Variants in CCDC178 observed in about 807,000 individuals in gnomAD.
CCDC178 encodes the protein coiled-coil domain-containing protein 178.
A neutral mutation model predicts 117.4 loss-of-function variants in CCDC178; 126 were observed. That is an observed-to-expected ratio of 1.07 (90% CI 0.93 to 1.24). The LOEUF (loss-of-function observed/expected upper bound fraction) is 1.24. Ranked by LOEUF, CCDC178 falls within the 50% of genes most tolerant of loss-of-function variation. The pLI, the probability that CCDC178 is intolerant of heterozygous loss-of-function variation, is 0.00. For missense variants in CCDC178, 1,030 were observed against 986.9 expected (o/e 1.04, Z -0.59); for synonymous variants, 283 against 313.4 (o/e 0.90, Z 1.02).
chr18:33,301,694 T>C (rs1297279808), intron 11 of CCDC178, among the ~76,000 whole-genome samples: 1 of 152,254 alleles, frequency 6.6e-6, no homozygotes, highest in Non-Finnish European at 1.5e-5. Context: ...CAGACTTTTA[T>C]GAGGCCTGTT....
At chr18:33,218,961 TA>T (rs2059200140) in intron 18 of CCDC178, among the ~76,000 whole-genome samples, 1 of 152,186 alleles carries the variant, frequency 6.6e-6, no homozygotes, top group Admixed American at 6.5e-5. Context: ...ATATGAACTT[TA>T]AAGTAGTTTT....
chr18:33,144,016 C>A (rs2058241719), intron 20 of CCDC178, among the ~76,000 whole-genome samples: 1 of 152,020 alleles, frequency 6.6e-6, no homozygotes, highest in Non-Finnish European at 1.5e-5. Flanking sequence ...TACTGCACCA[C>A]CTTTGAGTTT....
At chr18:33,174,687 C>A (rs576463686) in intron 20 of CCDC178, among the ~76,000 whole-genome samples, 4 of 152,240 alleles carry the variant, frequency 2.6e-5, no homozygotes, top group African/African-American at 9.6e-5. Context: ...CATTTGGTTT[C>A]ATAGTCTTGA....
chr18:32,987,915 T>C (rs1230440955), intron 21 of CCDC178, among the ~76,000 whole-genome samples: 1 of 149,060 alleles, frequency 6.7e-6, no homozygotes, highest in African/African-American at 2.5e-5. Context: ...CTGGACAACA[T>C]AGTGAAACCC....
intron 20 of CCDC178, among the ~76,000 whole-genome samples, chr18:33,122,189 T>G: frequency 6.6e-6 from 1 of 152,146 alleles, no homozygotes; most frequent in African/African-American, 2.4e-5. Flanking sequence ...AAAGCTAAAT[T>G]TGCTAAATGG....
intron 14 of CCDC178, among the ~76,000 whole-genome samples, chr18:33,265,603 AT>A (rs571889904): frequency 1.6e-4 from 25 of 152,116 alleles, no homozygotes; most frequent in Non-Finnish European, 3.4e-4. Context: ...CTACTACTGT[AT>A]TTGAACCAAG....
At chr18:33,141,191 A>G (rs2058199616) in intron 20 of CCDC178, among the ~76,000 whole-genome samples, 1 of 152,192 alleles carries the variant, frequency 6.6e-6, no homozygotes, top group Non-Finnish European at 1.5e-5. Flanking sequence ...AGACTAATAC[A>G]TCCAGAAAGA....
intron 21 of CCDC178, among the ~76,000 whole-genome samples, chr18:33,004,338 C>T (rs1390612096): frequency 2.0e-5 from 3 of 152,068 alleles, no homozygotes; most frequent in African/African-American, 7.2e-5. Context: ...ATTCACACAC[C>T]TACAGTGAAA....
In CCDC178 at chr18:33,104,331, T is replaced by C. The variant is rs78667860; in HGVS notation, c.2239-11421A>G. ...GATTTCTTCTACCAACTAGCCTCAA[T>C]CAGAAAAATAAAGGCATAAAATCTG... On this transcript the variant is annotated intron_variant, in intron 20 of 22. Transcript: ENST00000383096. Among the ~76,000 whole-genome samples, 13 of 151,806 alleles carry C rather than the reference T, an allele frequency of 8.6e-5. 1 individual carries two copies. In the East Asian group the frequency reaches 2.3e-3, roughly 27 times the overall value.
intron 7 of CCDC178, among the ~76,000 whole-genome samples, chr18:33,350,674 T>C (rs745940439): frequency 1.3e-5 from 2 of 152,222 alleles, no homozygotes; most frequent in Non-Finnish European, 2.9e-5. Context: ...TATTAATCCA[T>C]TGATGGATTT....
chr18:33,180,082 A>C (rs533726821), intron 20 of CCDC178, among the ~76,000 whole-genome samples: 1 of 152,096 alleles, frequency 6.6e-6, no homozygotes, highest in East Asian at 1.9e-4. Context: ...ATAAACGTAC[A>C]TTAAATTTTT....
chr18:33,160,276 A>G (rs1033365518), intron 20 of CCDC178, among the ~76,000 whole-genome samples: 1 of 152,178 alleles, frequency 6.6e-6, no homozygotes, highest in Admixed American at 6.6e-5. Context: ...ATGGTATTGA[A>G]TTATATTTTC....
chr18:33,413,860 T>C (rs2063894244), intron 2 of CCDC178, among the ~76,000 whole-genome samples: 1 of 152,168 alleles, frequency 6.6e-6, no homozygotes. Context: ...AAAGTCTGTA[T>C]TTCAAGAAAC....
At position 33,370,006 on chromosome 18, in the gene CCDC178, G is replaced by A. The variant is rs199646799; in HGVS notation, c.348+44C>T. 8.3e-4 allele frequency: 1,234 copies of A among 1,493,444 alleles called. 4 individuals carry two copies. Among genetic ancestry groups the A allele is most frequent in the Non-Finnish European group, 6.8e-4 (764 of 1,116,630 alleles). 92.5% of individuals were successfully genotyped at this position (1,493,444 alleles called of 1,614,324 possible). A position where few individuals can be genotyped will look rare whatever the true frequency, so the allele number is the denominator to read the frequency against. On this transcript the variant is annotated intron_variant, in intron 6 of 22. Transcript: ENST00000383096. ...TTAAATAACCAATCCTTAGAGGGTC[G>A]ATAAAGCTTACCAAAATATCAGCAT... is the stretch of plus-strand genomic sequence containing the variant.
At chr18:33,248,800 T>C (rs1000714951) in intron 14 of CCDC178, among the ~76,000 whole-genome samples, 1 of 152,094 alleles carries the variant, frequency 6.6e-6, no homozygotes, top group African/African-American at 2.4e-5. Flanking sequence ...GATGGCTGGG[T>C]CAAATGGTAT....
intron 6 of CCDC178, among the ~76,000 whole-genome samples, chr18:33,357,351 A>C (rs1028560350): frequency 3.9e-5 from 6 of 152,112 alleles, no homozygotes; most frequent in African/African-American, 1.4e-4. Context: ...TTGTTTCCCA[A>C]GAAGTACATA....
At chr18:33,006,363 A>G (rs1351707439) in intron 21 of CCDC178, among the ~76,000 whole-genome samples, 1 of 152,102 alleles carries the variant, frequency 6.6e-6, no homozygotes, top group Non-Finnish European at 1.5e-5. Context: ...GCAATGTATG[A>G]CAACAATTTT....
In CCDC178 at chr18:33,132,397, G is replaced by A. The variant is rs183712726; in HGVS notation, c.2239-39487C>T. 3.1e-3 allele frequency among the ~76,000 whole-genome samples: 463 copies of A among 151,740 alleles called. 3 individuals carry two copies. The highest frequency in any genetic ancestry group is 0.01 in the Middle Eastern group (3 of 294). ...AATTCATTGGTCTATTAATTAAACC[G>A]TCTTTAACTGACAAACATCTATATA... On this transcript the variant is annotated intron_variant, in intron 20 of 22. Coordinates refer to ENST00000383096, the MANE Select transcript of CCDC178 (RefSeq NM_001105528.4).
At position 33,246,366 on chromosome 18, in the gene CCDC178, A is replaced by G. The variant is rs148832998; in HGVS notation, c.1410-938T>C. 8.6e-5 allele frequency among the ~76,000 whole-genome samples: 13 copies of G among 151,852 alleles called. No individual in the cohort carries two copies. The East Asian group carries it at 2.3e-3, about 27-fold the overall frequency. ...TGAGAATAGCTCCCAGGTTGATGAC[A>G]CTTGGTTGCAGATCACACTTCATTC... is the stretch of plus-strand genomic sequence containing the variant. On this transcript the variant is annotated intron_variant, in intron 14 of 22. Coordinates refer to ENST00000383096, the MANE Select transcript of CCDC178 (RefSeq NM_001105528.4).
Sources: gnomAD v4.1 joint callset for allele counts (sites outside exome capture counted in the v4.1 genomes callset) on GRCh38, gnomAD v4.1.1 for gene constraint, MANE v1.5 for transcripts, NCBI Gene and HGNC (gene_info 2026-07-23, HGNC 2026-07-21) for gene names.